The following KCNIP4 variants were observed in gnomAD, a reference collection of about 807,000 sequenced individuals.
KCNIP4 encodes Kv channel-interacting protein 4.
Under a neutral mutation model 34.0 loss-of-function variants are expected in KCNIP4, and 12 were observed. The observed-to-expected ratio is 0.35, with a 90% CI of 0.23 to 0.57. The LOEUF is 0.57. Ranked by LOEUF, KCNIP4 falls within the 20% of genes least tolerant of loss-of-function variation. The pLI is 0.83. For missense variants in KCNIP4, 238 were observed against 311.7 expected (o/e 0.76, Z 1.78); for synonymous variants, 124 against 102.2 (o/e 1.21, Z -1.29).
intron 1 of KCNIP4, among the ~76,000 whole-genome samples, chr4:21,131,609 CAAAACA>C (rs1229446246): frequency 4.7e-4 from 71 of 151,834 alleles, no homozygotes; most frequent in African/African-American, 6.8e-4. Flanking sequence ...GACTCAGTCT[CAAAACA>C]AAAACAAAAA....
rs535697565 is a variant in KCNIP4, at chr4:21,094,260, A to G, written c.62-211551T>C. Among the ~76,000 whole-genome samples the G allele has an allele frequency of 7.2e-5, 11 of 152,330 alleles. No individual in the cohort carries two copies. In the South Asian group the frequency reaches 2.1e-3, roughly 29 times the overall value. Reference sequence around the variant, plus strand: ...GAATAGTGCTTTTCTGCATCAAAGAAGTGACAACAAAGGTAGTGGCAGATT... The same window carrying G: ...GAATAGTGCTTTTCTGCATCAAAGAGGTGACAACAAAGGTAGTGGCAGATT... On this transcript the variant is annotated intron_variant, in intron 1 of 8. Transcript: ENST00000382152.
intron 3 of KCNIP4, among the ~76,000 whole-genome samples, chr4:20,815,190 C>T (rs1010645669): frequency 2.0e-5 from 3 of 152,038 alleles, no homozygotes; most frequent in East Asian, 1.9e-4. Flanking sequence ...GGTAAGAAAA[C>T]CAATCATCTG....
intron 1 of KCNIP4, among the ~76,000 whole-genome samples, chr4:21,510,628 T>C (rs565422787): frequency 2.0e-5 from 3 of 152,158 alleles, no homozygotes; most frequent in Non-Finnish European, 4.4e-5. Flanking sequence ...ATTAACAAGT[T>C]GATGATACTC....
chr4:21,567,299 C>G (rs1480799806), intron 1 of KCNIP4, among the ~76,000 whole-genome samples: 1 of 151,628 alleles, frequency 6.6e-6, no homozygotes, highest in Non-Finnish European at 1.5e-5. Context: ...TTTTCCTTCT[C>G]TCATGAAGCT....
intron 1 of KCNIP4, among the ~76,000 whole-genome samples, chr4:21,147,736 C>T (rs1315529405): frequency 2.0e-5 from 3 of 151,510 alleles, no homozygotes; most frequent in Admixed American, 6.6e-5. Flanking sequence ...GTTAGGAGTT[C>T]GAGACCAGCC....
At chr4:21,297,100 G>C (rs1763884459) in intron 1 of KCNIP4, among the ~76,000 whole-genome samples, 1 of 138,746 alleles carries the variant, frequency 7.2e-6, no homozygotes, top group Non-Finnish European at 1.5e-5. Flanking sequence ...TATCAAATAT[G>C]TGTATATATA....
chr4:20,850,901 C>T (rs989029376), intron 2 of KCNIP4: 6 of 366,606 alleles, frequency 1.6e-5, no homozygotes, highest in Non-Finnish European at 2.5e-5. Context: ...TATTACAACC[C>T]TAGCATTGTT....
At chr4:20,827,499 G>C (rs1717902943) in intron 3 of KCNIP4, among the ~76,000 whole-genome samples, 1 of 152,092 alleles carries the variant, frequency 6.6e-6, no homozygotes, top group African/African-American at 2.4e-5. Context: ...TAACTTAAAT[G>C]TCTCTTTGAA....
chr4:21,341,885 C>T (rs1206382669), intron 1 of KCNIP4, among the ~76,000 whole-genome samples: 10 of 152,224 alleles, frequency 6.6e-5, no homozygotes, highest in South Asian at 4.1e-4. Flanking sequence ...AACTGCTTTC[C>T]GTAGTTGACT....
In KCNIP4 at chr4:21,511,961, A is replaced by G. The variant is rs377491550; in HGVS notation, c.61+436610T>C. ...GCTGATAGACAGTCGATACAATTTT[A>G]ATAGAGTAAAAGAGAAAGAAAAAAA... On this transcript the variant is annotated intron_variant, in intron 1 of 8. Coordinates refer to ENST00000382152, the MANE Select transcript of KCNIP4 (RefSeq NM_025221.6). Among the ~76,000 whole-genome samples, 231 of 149,806 alleles carry G rather than the reference A, an allele frequency of 1.5e-3. 10 individuals carry two copies. The South Asian group carries it at 0.041, about 27-fold the overall frequency.
At chr4:21,359,287 C>T (rs1011515617) in intron 1 of KCNIP4, among the ~76,000 whole-genome samples, 6 of 152,006 alleles carry the variant, frequency 3.9e-5, no homozygotes, top group East Asian at 3.9e-4. Flanking sequence ...GTTCTCTGGC[C>T]TGAAGACTTA....
At chr4:21,860,089 AATGCATGT>A (rs1277897132) in intron 1 of KCNIP4, among the ~76,000 whole-genome samples, 3 of 152,152 alleles carry the variant, frequency 2.0e-5, no homozygotes, top group Non-Finnish European at 4.4e-5. Flanking sequence ...ATAATTTTTA[AATGCATGT>A]ATTTATGATC....
intron 1 of KCNIP4, among the ~76,000 whole-genome samples, chr4:21,478,662 C>T (rs990489003): frequency 5.9e-5 from 9 of 152,138 alleles, no homozygotes; most frequent in African/African-American, 2.2e-4. Context: ...GATAATGTCT[C>T]ATTCCCTTTT....
intron 1 of KCNIP4, among the ~76,000 whole-genome samples, chr4:21,841,577 T>C (rs1723679972): frequency 1.3e-5 from 2 of 152,136 alleles, no homozygotes; most frequent in African/African-American, 4.8e-5. Flanking sequence ...TGGCTACCCT[T>C]CAAAGATTTT....
chr4:21,834,154 T>C (rs1416416395), intron 1 of KCNIP4, among the ~76,000 whole-genome samples: 3 of 152,200 alleles, frequency 2.0e-5, no homozygotes, highest in Non-Finnish European at 2.9e-5. Flanking sequence ...TTGATGGGGA[T>C]GGCATTGAAT....
chr4:21,657,828 T>C (rs947921162), intron 1 of KCNIP4, among the ~76,000 whole-genome samples: 1 of 145,356 alleles, frequency 6.9e-6, no homozygotes, highest in African/African-American at 2.6e-5. Context: ...TTTTATCAAA[T>C]GGTTTAAACA....
intron 1 of KCNIP4, among the ~76,000 whole-genome samples, chr4:21,238,181 G>C (rs976185186): frequency 1.4e-4 from 21 of 152,020 alleles, no homozygotes; most frequent in African/African-American, 4.3e-4. Context: ...ATTCAACAAG[G>C]CTTCATGCTA....
At chr4:21,852,829 G>A (rs1231511655) in intron 1 of KCNIP4, 1 of 152,020 alleles carries the variant, frequency 6.6e-6, no homozygotes, top group Non-Finnish European at 1.5e-5. Context: ...ACCTCAGTTG[G>A]TACACAATTC....
In KCNIP4 at chr4:21,928,060, C is replaced by T. The variant is rs185389218; in HGVS notation, c.61+20511G>A. On this transcript the variant is annotated intron_variant, in intron 1 of 8. Coordinates refer to ENST00000382152, the MANE Select transcript of KCNIP4 (RefSeq NM_025221.6). ...TACGATCTTCATTTTTGGATCCTTT[C>T]TCTTCTCACCCACTCAGTAACTGGA... 2.4e-3 allele frequency among the ~76,000 whole-genome samples: 357 copies of T among 151,642 alleles called. 1 individual carries two copies. Among genetic ancestry groups the T allele is most frequent in the African/African-American group, 8.0e-3 (330 of 41,426 alleles).
Sources: gnomAD v4.1 joint callset for allele counts (sites outside exome capture counted in the v4.1 genomes callset) on GRCh38, gnomAD v4.1.1 for gene constraint, MANE v1.5 for transcripts, NCBI Gene and HGNC (gene_info 2026-07-23, HGNC 2026-07-21) for gene names.